The following GTF2H5 variants were observed in gnomAD, a reference collection of about 807,000 sequenced individuals.
The protein encoded by GTF2H5 is TFB5 ortholog.
Under a neutral mutation model 7.1 loss-of-function variants are expected in GTF2H5, and 5 were observed. That is an observed-to-expected ratio of 0.71 (90% CI 0.37 to 1.49). The LOEUF is 1.49. GTF2H5 is among the 40% of genes most tolerant of loss of function. The pLI, the probability that GTF2H5 is intolerant of heterozygous loss-of-function variation, is 0.03. For synonymous variants in GTF2H5, 30 were observed against 31.7 expected (o/e 0.95, Z 0.18); for missense variants, 80 against 83.0 (o/e 0.96, Z 0.14).
intron 2 of GTF2H5, among the ~76,000 whole-genome samples, chr6:158,177,651 C>T (rs937193208): frequency 1.3e-5 from 2 of 152,042 alleles, no homozygotes; most frequent in African/African-American, 4.8e-5. Context: ...ATACATGTGC[C>T]ATGGTAGTTT....
At position 158,179,915 on chromosome 6, in the gene GTF2H5, C is replaced by A. The variant is rs138501510; in HGVS notation, c.35+9377C>A. 3.9e-3 allele frequency among the ~76,000 whole-genome samples: 591 copies of A among 152,094 alleles called. 1 individual carries two copies. The highest frequency in any genetic ancestry group is 6.0e-3 in the Non-Finnish European group (409 of 68,004). On this transcript the variant is annotated intron_variant, in intron 2 of 2. Coordinates refer to ENST00000607778, the MANE Select transcript of GTF2H5 (RefSeq NM_207118.3). Reference sequence around the variant, plus strand: ...GAGAGAGGGCATCCTTGTCTTGTGCCGGTTTTCAAAGGGAATGCTTCCAGT... The same window carrying A: ...GAGAGAGGGCATCCTTGTCTTGTGCAGGTTTTCAAAGGGAATGCTTCCAGT...
At chr6:158,191,505 CAG>C in intron 2 of GTF2H5, among the ~76,000 whole-genome samples, 1 of 144,572 alleles carries the variant, frequency 6.9e-6, no homozygotes, top group Non-Finnish European at 1.5e-5. Context: ...TTTTTTGAGA[CAG>C]AGTCTCGCTC....
At chr6:158,187,920 G>T (rs1208663874) in intron 2 of GTF2H5, among the ~76,000 whole-genome samples, 1 of 152,142 alleles carries the variant, frequency 6.6e-6, no homozygotes, top group Non-Finnish European at 1.5e-5. Flanking sequence ...TCAAAGGGAG[G>T]TGGGTATGAG....
chr6:158,170,319 G>T (rs1346270525), intron 1 of GTF2H5, among the ~76,000 whole-genome samples, 151 bp from the exon 2 acceptor site: 1 of 152,128 alleles, frequency 6.6e-6, no homozygotes, highest in African/African-American at 2.4e-5. Context: ...TAAAAAATCA[G>T]AATGTCTTTT....
intron 2 of GTF2H5, among the ~76,000 whole-genome samples, chr6:158,174,069 A>G (rs895652168): frequency 2.0e-5 from 3 of 152,062 alleles, no homozygotes; most frequent in African/African-American, 7.2e-5. Context: ...TTTTGTTGCC[A>G]TCTTGGTTCT....
At position 158,197,412 on chromosome 6, in the gene GTF2H5, T is replaced by C. The variant is rs1243901879; in HGVS notation, c.*5255T>C. On this transcript the variant is annotated 3_prime_UTR_variant, in exon 3 of 3. Coordinates refer to ENST00000607778, the MANE Select transcript of GTF2H5 (RefSeq NM_207118.3). ...CTGTAAAATAATTATTTTGCAAACATAAAAGAAAAAAAAAAGAATTGTAAC... is the reference window on the plus strand; with the variant it reads ...CTGTAAAATAATTATTTTGCAAACACAAAAGAAAAAAAAAAGAATTGTAAC... The C allele has an allele frequency of 6.6e-6, 1 of 151,300 alleles. No individual in the cohort carries two copies. Among genetic ancestry groups the C allele is most frequent in the Non-Finnish European group, 1.5e-5 (1 of 67,722 alleles). The allele number at this position is 151,300 out of a possible 1,614,324, so 9.4% of individuals were successfully genotyped here.
intron 2 of GTF2H5, among the ~76,000 whole-genome samples, chr6:158,188,328 A>G (rs980816254): frequency 1.3e-5 from 2 of 152,096 alleles, no homozygotes; most frequent in African/African-American, 2.4e-5. Context: ...CTTTATTTGT[A>G]TGTGCAAGGA....
chr6:158,173,711 T>C (rs1407209111), intron 2 of GTF2H5, among the ~76,000 whole-genome samples: 1 of 141,214 alleles, frequency 7.1e-6, no homozygotes, highest in Non-Finnish European at 1.5e-5. Context: ...AGGAAAGAAT[T>C]CAAGAATGAG....
chr6:158,181,066 G>A (rs1205783651), intron 2 of GTF2H5, among the ~76,000 whole-genome samples: 10 of 152,012 alleles, frequency 6.6e-5, no homozygotes, highest in African/African-American at 9.7e-5. Flanking sequence ...ATTCTGGTAC[G>A]TTGTATCTTT....
chr6:158,171,257 A>C (rs1452333757), intron 2 of GTF2H5, among the ~76,000 whole-genome samples: 1 of 152,218 alleles, frequency 6.6e-6, no homozygotes, highest in Non-Finnish European at 1.5e-5. Context: ...AAACAGGTGA[A>C]GTTAATATCT....
intron 2 of GTF2H5, among the ~76,000 whole-genome samples, chr6:158,184,320 G>A (rs1776866995): frequency 1.3e-5 from 2 of 152,166 alleles, no homozygotes; most frequent in South Asian, 4.1e-4. Flanking sequence ...AGCCTGAGAA[G>A]TTGAGAGGTT....
chr6:158,169,780 G>GTATATTATATATAATATATTA (rs1562469550), intron 1 of GTF2H5, among the ~76,000 whole-genome samples: 2 of 76,176 alleles, frequency 2.6e-5, no homozygotes, highest in African/African-American at 5.4e-5. Flanking sequence ...ATAATATATT[G>GTATATTATATATAATATATTA]TATATTATAT....
intron 2 of GTF2H5, among the ~76,000 whole-genome samples, chr6:158,181,203 A>G (rs1786006134): frequency 6.6e-6 from 1 of 152,136 alleles, no homozygotes; most frequent in Non-Finnish European, 1.5e-5. Flanking sequence ...CTTAATCCTG[A>G]GTTCTAATTT....
chr6:158,179,259 T>C (rs557502289), intron 2 of GTF2H5, among the ~76,000 whole-genome samples: 1 of 152,338 alleles, frequency 6.6e-6, no homozygotes, highest in Admixed American at 6.5e-5. Context: ...CCTTGTAGTA[T>C]AGTTTGAAGT....
rs1562469243 is a variant in GTF2H5, at chr6:158,169,699, A to AATATATATTATATAATATATTATATG, written c.-34-765_-34-764insATTATATAATATATTATATGATATAT. Among the ~76,000 whole-genome samples, 9 of 88,374 alleles carry AATATATATTATATAATATATTATATG rather than the reference A, an allele frequency of 1.0e-4. 1 individual carries two copies. The highest frequency in any genetic ancestry group is 1.6e-4 in the Non-Finnish European group (8 of 49,792). The allele number at this position is 88,374 out of a possible 152,430, so 58.0% of individuals were successfully genotyped here. On this transcript the variant is annotated intron_variant, in intron 1 of 2. Coordinates refer to ENST00000607778, the MANE Select transcript of GTF2H5 (RefSeq NM_207118.3). ...ATATAATATATAATATATATTATAT[A>AATATATATTATATAATATATTATATG]ATATATTGTATATTATATATTATAT...
chr6:158,168,960 G>T (rs1186713913), intron 1 of GTF2H5, among the ~76,000 whole-genome samples: 3 of 151,920 alleles, frequency 2.0e-5, no homozygotes, highest in Admixed American at 6.6e-5. Context: ...TTGGCCTGGC[G>T]CGGTGGCTCA....
intron 2 of GTF2H5, among the ~76,000 whole-genome samples, chr6:158,174,389 TATG>T (rs1267339976): frequency 6.6e-6 from 1 of 152,218 alleles, no homozygotes; most frequent in East Asian, 1.9e-4. Context: ...TAAACCAAAT[TATG>T]ATGATGGCCA....
At chr6:158,177,459 A>AAAAAC (rs1785948770) in intron 2 of GTF2H5, among the ~76,000 whole-genome samples, 1 of 152,202 alleles carries the variant, frequency 6.6e-6, no homozygotes, top group Admixed American at 6.5e-5. Flanking sequence ...CCCCCAAAAA[A>AAAAAC]GCTGATGGGG....
chr6:158,177,256 A>C (rs1376228056), intron 2 of GTF2H5, among the ~76,000 whole-genome samples: 1 of 152,232 alleles, frequency 6.6e-6, no homozygotes, highest in African/African-American at 2.4e-5. Flanking sequence ...ATGTTTTAGA[A>C]ATATTCTGTA....
Sources: allele counts gnomAD v4.1 joint callset (sites outside exome capture counted in the v4.1 genomes callset), GRCh38; gene constraint gnomAD v4.1.1; transcripts MANE v1.5; gene names NCBI Gene and HGNC (gene_info 2026-07-23, HGNC 2026-07-21).